The following KDM5A variants were observed in gnomAD, a reference collection of about 807,000 sequenced individuals.
KDM5A encodes lysine-specific demethylase 5A.
KDM5A carries 42 observed loss-of-function variants against 193.5 expected under a neutral mutation model. The observed-to-expected ratio is 0.22, with a 90% CI of 0.17 to 0.28. KDM5A has a LOEUF of 0.28. Ranked by LOEUF, KDM5A falls within the 10% of genes least tolerant of loss-of-function variation. KDM5A has a pLI of 1.00. For missense variants in KDM5A, 1,692 were observed against 2,055.1 expected, an observed-to-expected ratio of 0.82 and a Z score of 3.42; for synonymous variants, 796 against 718.1, an observed-to-expected ratio of 1.11 and a Z score of -1.73.
intron 24 of KDM5A, among the ~76,000 whole-genome samples, chr12:306,729 C>T (rs1275587907): frequency 1.4e-5 from 2 of 145,604 alleles, no homozygotes; most frequent in Non-Finnish European, 3.0e-5. Flanking sequence ...GGTGACAGAG[C>T]GAGACTCCAT....
chr12:382,043 T>C (rs1418983225), intron 3 of KDM5A, among the ~76,000 whole-genome samples: 1 of 152,140 alleles, frequency 6.6e-6, no homozygotes, highest in Non-Finnish European at 1.5e-5. Context: ...ACTCCTAGGT[T>C]CAAGCAATCC....
chr12:386,330 AT>A (rs1269949228), intron 1 of KDM5A, among the ~76,000 whole-genome samples: 2 of 152,204 alleles, frequency 1.3e-5, no homozygotes, highest in African/African-American at 2.4e-5. Context: ...TTTATGCAAT[AT>A]TTTTAATAAT....
rs1231541223 is a variant in KDM5A, at chr12:368,393, G to A, written c.367-2289C>T. Among the ~76,000 whole-genome samples, 3 of 152,040 alleles carry A rather than the reference G, an allele frequency of 2.0e-5. 1 individual carries two copies. The highest frequency in any genetic ancestry group is 4.4e-5 in the Non-Finnish European group (3 of 68,006). ...TTAAAAAAAGATGAAAAGAAGACTC[G>A]AGCCAGACTGCCAGTATTCAAATTT... On this transcript the variant is annotated intron_variant, in intron 3 of 27. Transcript: ENST00000399788.
Position 285,010 on chromosome 12 carries a change from T to C in KDM5A, c.*446A>G. The C allele has an allele frequency of 3.7e-6, 1 of 271,542 alleles. No individual in the cohort carries two copies. The highest frequency in any genetic ancestry group is 5.1e-5 in the East Asian group (1 of 19,688). 16.8% of individuals were successfully genotyped at this position (271,542 alleles called of 1,614,324 possible). The stretch of plus-strand genomic sequence containing the variant: ...GGTAACAGTGGAAGGAAAGTGGTAC[T>C]CCAATCCCTCTCCAACTATCCCAAT... On this transcript the variant is annotated 3_prime_UTR_variant, in exon 28 of 28. Transcript: ENST00000399788.
intron 3 of KDM5A, among the ~76,000 whole-genome samples, chr12:378,007 T>C (rs575350680): frequency 2.6e-5 from 4 of 152,186 alleles, no homozygotes; most frequent in Non-Finnish European, 4.4e-5. Context: ...TTAATAAAAA[T>C]TAATGTAACT....
At chr12:327,352 C>T (rs971061052) in intron 14 of KDM5A, among the ~76,000 whole-genome samples, 2 of 152,126 alleles carry the variant, frequency 1.3e-5, no homozygotes, top group East Asian at 1.9e-4. Flanking sequence ...AAAAGAAAGA[C>T]TCTAGGCAAT....
At chr12:375,899 T>C (rs1354767423) in intron 3 of KDM5A, among the ~76,000 whole-genome samples, 1 of 152,238 alleles carries the variant, frequency 6.6e-6, no homozygotes, top group African/African-American at 2.4e-5. Flanking sequence ...ACAGCGAATG[T>C]TGCCGAACAG....
chr12:342,095 A>G (rs1474033023), intron 10 of KDM5A, among the ~76,000 whole-genome samples: 4 of 152,236 alleles, frequency 2.6e-5, no homozygotes, highest in African/African-American at 9.6e-5. Context: ...GACACACTTC[A>G]GATTCTGAGA....
intron 3 of KDM5A, among the ~76,000 whole-genome samples, chr12:375,485 T>A (rs959306160): frequency 6.6e-6 from 1 of 152,222 alleles, no homozygotes. Flanking sequence ...TCTAATCTTT[T>A]TACAAGGTTT....
At chr12:302,315 C>T (rs1943452656) in intron 24 of KDM5A, among the ~76,000 whole-genome samples, 1 of 152,088 alleles carries the variant, frequency 6.6e-6, no homozygotes. Flanking sequence ...GTACTGGTAC[C>T]AAAACAGATA....
At position 318,196 on chromosome 12, in the gene KDM5A, T is replaced by A. The variant is rs1469011455; in HGVS notation, c.2807A>T (p.His936Leu). 1 of 1,614,164 alleles carries A rather than the reference T, an allele frequency of 6.2e-7. No individual in the cohort carries two copies. The change falls in exon 19 of 28, where the codon CAT (histidine) becomes CTT (leucine). Residue 936 changes from histidine to leucine, a missense_variant. This residue lies in a region of KDM5A where 965 missense variants were observed against 1,061.0 expected (regional missense o/e 0.91). Transcript: ENST00000399788. ...TTCAGCCATTGCTTTCTCCACAGCA[T>A]GGTGGGGTGCCAACCCTACCCCAGA... Reference protein sequence around the residue: ...IDSGVGLAPHHAVEKAMAELQ... With the variant: ...IDSGVGLAPHLAVEKAMAELQ...
intron 24 of KDM5A, among the ~76,000 whole-genome samples, chr12:304,130 T>A (rs1943476419): frequency 6.6e-6 from 1 of 152,142 alleles, no homozygotes; most frequent in South Asian, 2.1e-4. Flanking sequence ...ATAGACACAA[T>A]CCCAAAAGAT....
intron 10 of KDM5A, among the ~76,000 whole-genome samples, chr12:342,233 CTT>C (rs1944014805): frequency 1.3e-5 from 2 of 152,204 alleles, no homozygotes; most frequent in South Asian, 4.1e-4. Flanking sequence ...ATGTGCAACT[CTT>C]TTAACAGGAG....
intron 24 of KDM5A, among the ~76,000 whole-genome samples, chr12:298,524 C>A (rs980227201): frequency 3.3e-5 from 5 of 152,148 alleles, no homozygotes; most frequent in African/African-American, 1.2e-4. Flanking sequence ...AGGACGTCCA[C>A]TCAGAGACTC....
chr12:308,351 T>G (rs1169855060), intron 22 of KDM5A, among the ~76,000 whole-genome samples: 2 of 152,126 alleles, frequency 1.3e-5, no homozygotes, highest in Non-Finnish European at 2.9e-5. Context: ...TTCTGAAAAA[T>G]GAGAATACTA....
At chr12:365,185 T>C (rs943977776) in intron 4 of KDM5A, among the ~76,000 whole-genome samples, 1 of 152,104 alleles carries the variant, frequency 6.6e-6, no homozygotes, top group African/African-American at 2.4e-5. Context: ...CTGGAGTAGC[T>C]GGGACCACTG....
intron 8 of KDM5A, 125 bp downstream of exon 8, chr12:353,951 A>C (rs1166111624): frequency 4.1e-6 from 3 of 729,464 alleles, no homozygotes; most frequent in Non-Finnish European, 6.7e-6. Context: ...TGGAAATTTT[A>C]AACACTACAT....
intron 19 of KDM5A, 132 bp from the exon 20 acceptor site, chr12:313,326 C>T: frequency 1.1e-6 from 1 of 950,556 alleles, no homozygotes; most frequent in South Asian, 1.4e-5. Context: ...GGAGGCAAAG[C>T]AGCTAGTATC....
intron 13 of KDM5A, 185 bp from the exon 14 acceptor site, chr12:329,214 A>C: frequency 1.6e-6 from 1 of 610,132 alleles, no homozygotes; most frequent in Non-Finnish European, 2.9e-6. Flanking sequence ...CAGAGTTTCA[A>C]AGGCTTTCCC....
Sources: allele counts gnomAD v4.1 joint callset (sites outside exome capture counted in the v4.1 genomes callset), GRCh38; gene constraint gnomAD v4.1.1; regional missense constraint gnomAD v4.1.1; transcripts MANE v1.5; gene names NCBI Gene and HGNC (gene_info 2026-07-23, HGNC 2026-07-21).